Variants in SPATA18 observed in about 807,000 individuals in gnomAD.
The protein encoded by SPATA18 is mitochondria-eating protein.
In SPATA18, 54 loss-of-function variants were observed where a neutral mutation model predicts 68.1. That is an observed-to-expected ratio of 0.79 (90% CI 0.64 to 0.99). The LOEUF is 0.99. Ranked by LOEUF, SPATA18 falls within the 50% of genes least tolerant of loss-of-function variation. The pLI is 0.00. For missense variants in SPATA18, 724 were observed against 681.1 expected, an observed-to-expected ratio of 1.06 and a Z score of -0.70; for synonymous variants, 242 against 244.8, an observed-to-expected ratio of 0.99 and a Z score of 0.11.
chr4:52,085,851 A>C (rs1741381020), intron 11 of SPATA18, among the ~76,000 whole-genome samples: 2 of 152,152 alleles, frequency 1.3e-5, no homozygotes, highest in African/African-American at 2.4e-5. Context: ...TCGAGGCTGC[A>C]GTTAGCCGTG....
At chr4:52,072,932 T>C (rs1200872913) in intron 6 of SPATA18, among the ~76,000 whole-genome samples, 1 of 152,168 alleles carries the variant, frequency 6.6e-6, no homozygotes, top group Non-Finnish European at 1.5e-5. Context: ...TTTCTACTTA[T>C]GGACAGATTT....
chr4:52,082,444 G>A lies in SPATA18; in HGVS notation c.1413G>A (p.Trp471Ter), dbSNP rs1422785601. 6.2e-7 allele frequency: 1 copy of A among 1,613,972 alleles called. No individual in the cohort carries two copies. ...CTCCCTTAGTCCTCTATCACGTGTG[G>A]CCTGCTCTCATGGAGAATGACTGTG... is the stretch of plus-strand genomic sequence containing the variant. ...FTAPLVLYHV[W>*]PALMENDCVI... Residue 471 changes from tryptophan (W) to a stop codon, truncating the protein, a stop_gained, in exon 10 of 13, where the codon TGG becomes TGA. Coordinates refer to ENST00000295213, the MANE Select transcript of SPATA18 (RefSeq NM_145263.4). LOFTEE classifies it high-confidence loss of function.
intron 11 of SPATA18, among the ~76,000 whole-genome samples, chr4:52,094,004 T>C (rs1384161499): frequency 2.6e-5 from 4 of 152,184 alleles, no homozygotes; most frequent in Non-Finnish European, 4.4e-5. Flanking sequence ...CAGCATCTAT[T>C]TATCTAGAGT....
intron 7 of SPATA18, among the ~76,000 whole-genome samples, chr4:52,077,346 TTCCC>T (rs1199180215): frequency 6.9e-6 from 1 of 144,586 alleles, no homozygotes; most frequent in Non-Finnish European, 1.5e-5. Flanking sequence ...TCCTTTCTCT[TTCCC>T]TCCCTCTCTC....
At chr4:52,083,400 G>A (rs1272438693) in intron 10 of SPATA18, 2 of 985,218 alleles carry the variant, frequency 2.0e-6, no homozygotes, top group African/African-American at 3.5e-5. Context: ...AAGGGTTTTT[G>A]TAGCTTAAAA....
At chr4:52,066,861 C>T (rs181114150) in intron 4 of SPATA18, among the ~76,000 whole-genome samples, 28 of 152,322 alleles carry the variant, frequency 1.8e-4, no homozygotes, top group African/African-American at 6.5e-4. Flanking sequence ...GCATAGCATT[C>T]CATGGTGCAT....
At chr4:52,076,664 C>G in intron 6 of SPATA18, 115 bp from the exon 7 acceptor site, 1 of 1,386,962 alleles carries the variant, frequency 7.2e-7, no homozygotes, top group East Asian at 2.3e-5. Context: ...TTCTGAATTC[C>G]TCAGATAAGG....
chr4:52,057,967 CA>C lies in SPATA18; in HGVS notation c.88-2451del, dbSNP rs555191235. On this transcript the variant is annotated intron_variant, in intron 1 of 12. Transcript: ENST00000295213. ...TGGCAAGCAGCAGAGCTGAGATACT[CA>C]GGTTTGCTTGACTCCCAAGCTCATT... is the stretch of plus-strand genomic sequence containing the variant. 3.3e-4 allele frequency among the ~76,000 whole-genome samples: 50 copies of C among 152,342 alleles called. No individual in the cohort carries two copies. In the South Asian group the frequency reaches 5.8e-3, roughly 18 times the overall value.
At chr4:52,053,713 A>G (rs1024607346) in intron 1 of SPATA18, among the ~76,000 whole-genome samples, 2 of 152,068 alleles carry the variant, frequency 1.3e-5, no homozygotes, top group Non-Finnish European at 1.5e-5. Context: ...CCTTTTCACC[A>G]TCATAATCTG....
Position 52,097,038 on chromosome 4 carries a change from G to C in SPATA18, c.*2151G>C, listed in dbSNP as rs1188600545. 1.3e-5 allele frequency: 2 copies of C among 152,044 alleles called. No individual in the cohort carries two copies. Among genetic ancestry groups the C allele is most frequent in the Non-Finnish European group, 2.9e-5 (2 of 68,016 alleles). 9.4% of individuals were successfully genotyped at this position (152,044 alleles called of 1,614,324 possible). On this transcript the variant is annotated 3_prime_UTR_variant, in exon 13 of 13. Transcript: ENST00000295213. ...GCTGTTTCTTCAGTTTCTAATTTGA[G>C]CTGTAACTACACAAGGAAAGCTAAA...
chr4:52,051,444 C>G lies in SPATA18; in HGVS notation c.-261C>G. 1 of 522,408 alleles carries G rather than the reference C, an allele frequency of 1.9e-6. No homozygotes were observed. The highest frequency in any genetic ancestry group is 3.4e-6 in the Non-Finnish European group (1 of 292,538). The allele number at this position is 522,408 out of a possible 1,614,324, so 32.4% of individuals were successfully genotyped here. On this transcript the variant is annotated 5_prime_UTR_variant, in exon 1 of 13. Transcript: ENST00000295213. Reference sequence around the variant, plus strand: ...AATCGCCAGGGTATCTATGGCCGGGCTCAGGCGGCTGCTGGGGAGCCAGGA... The same window carrying G: ...AATCGCCAGGGTATCTATGGCCGGGGTCAGGCGGCTGCTGGGGAGCCAGGA...
chr4:52,083,343 A>C (rs78536944), intron 10 of SPATA18: 14,444 of 985,354 alleles, frequency 0.015, 657 homozygotes, highest in African/African-American at 0.15. Context: ...CAGCTTTCAC[A>C]CATACAGTGG....
Position 52,060,828 on chromosome 4 carries a change from T to C in SPATA18, c.240T>C (p.Pro80=). The change falls in exon 3 of 13, where the codon CCT becomes CCC. Residue 80 remains proline (P), a synonymous_variant. Transcript: ENST00000295213. ...GVETIKSRLL[P]WLEASFTAAS... is the part of the protein sequence containing the mutation. ...AAACAATCAAGTCACGCCTTTTGCC[T>C]TGGCTGGAGGCTTCCTTTACTGCTG... The C allele has an allele frequency of 1.2e-6, 2 of 1,614,068 alleles. No homozygotes were observed. Among genetic ancestry groups the C allele is most frequent in the Middle Eastern group, 1.7e-4 (1 of 6,054 alleles).
chr4:52,060,512 G>C lies in SPATA18; in HGVS notation c.181G>C (p.Ala61Pro). Residue 61 changes from alanine to proline, a missense_variant, in exon 2 of 13, where the codon GCA becomes CCA. Transcript: ENST00000295213. ...QGQLFGILTA[A>P]AQEGGRNDGV... ...ACAACTCTTTGGGATCCTCACAGCA[G>C]CAGCCCAAGAAGGTGAGAATGGCCT... 5 of 1,613,908 alleles carry C rather than the reference G, an allele frequency of 3.1e-6. No homozygotes were observed. Among genetic ancestry groups the C allele is most frequent in the Non-Finnish European group, 4.2e-6 (5 of 1,179,862 alleles).
intron 11 of SPATA18, among the ~76,000 whole-genome samples, chr4:52,089,837 T>G (rs181238067): frequency 6.6e-6 from 1 of 152,308 alleles, no homozygotes; most frequent in Non-Finnish European, 1.5e-5. Context: ...CTGAATATCC[T>G]TGTTCATTTT....
intron 7 of SPATA18, among the ~76,000 whole-genome samples, chr4:52,077,672 T>C (rs1740516731): frequency 1.3e-5 from 2 of 152,178 alleles, no homozygotes; most frequent in South Asian, 4.1e-4. Flanking sequence ...ATATTATTGC[T>C]AATGGCTGTC....
chr4:52,073,260 C>T (rs917073101), intron 6 of SPATA18, among the ~76,000 whole-genome samples: 1 of 152,202 alleles, frequency 6.6e-6, no homozygotes, highest in Non-Finnish European at 1.5e-5. Flanking sequence ...CCAACCCAAC[C>T]TCCCTGACTG....
intron 1 of SPATA18, among the ~76,000 whole-genome samples, chr4:52,059,468 A>G (rs1162235971): frequency 1.3e-5 from 2 of 152,262 alleles, no homozygotes; most frequent in African/African-American, 4.8e-5. Context: ...TGAGGAAAGC[A>G]GAATAATAGC....
chr4:52,060,548 A>T (rs772922983), intron 2 of SPATA18, 24 bp downstream of exon 2: 16 of 1,596,864 alleles, frequency 1.0e-5, no homozygotes, highest in Middle Eastern at 1.7e-4. Flanking sequence ...GTAATTTCCC[A>T]TCCAGTTCTG....
Sources: allele counts gnomAD v4.1 joint callset (sites outside exome capture counted in the v4.1 genomes callset), GRCh38; gene constraint gnomAD v4.1.1; transcripts MANE v1.5; gene names NCBI Gene and HGNC (gene_info 2026-07-23, HGNC 2026-07-21).